RXRG: variants seen among roughly 807,000 people sequenced by gnomAD.
The protein encoded by RXRG is retinoic acid receptor RXR-gamma.
In RXRG, 19 loss-of-function variants were observed where a neutral mutation model predicts 49.2. The observed-to-expected ratio is 0.39, with a 90% CI of 0.27 to 0.57. The LOEUF is 0.57. Ranked by LOEUF, RXRG falls within the 20% of genes least tolerant of loss-of-function variation. The pLI is 0.64. For synonymous variants in RXRG, 224 were observed against 216.6 expected (o/e 1.03, Z -0.30); for missense variants, 452 against 592.5 (o/e 0.76, Z 2.46).
In RXRG at chr1:165,419,914, G is replaced by C. The variant is rs755325790; in HGVS notation, c.398C>G (p.Ser133Cys). 6.8e-6 allele frequency: 11 copies of C among 1,613,424 alleles called. No individual in the cohort carries two copies. In the South Asian group the frequency reaches 9.9e-5, roughly 15 times the overall value. The change falls in exon 3 of 10, where the codon TCT becomes TGT. Residue 133 changes from serine to cysteine, a missense_variant. Transcript: ENST00000359842. ...NMNYPSTSPG[S>C]LVKHICAICG... is the part of the protein sequence containing the mutation. The stretch of plus-strand genomic sequence containing the variant: ...GATGGCACAGATGTGTTTAACCAGA[G>C]ATCCGGGGCTGGTGGATGGGTAGTT...
intron 2 of RXRG, among the ~76,000 whole-genome samples, chr1:165,426,311 A>G (rs1658484698): frequency 1.3e-5 from 2 of 152,196 alleles, no homozygotes; most frequent in Non-Finnish European, 2.9e-5. Flanking sequence ...GGCCTGAGGA[A>G]TGCTTTAAAA....
At chr1:165,437,098 T>C in intron 1 of RXRG, 2 of 1,360,778 alleles carry the variant, frequency 1.5e-6, no homozygotes, top group South Asian at 1.2e-5. Flanking sequence ...TGGTCACTAG[T>C]GTCATGGGGA....
intron 2 of RXRG, among the ~76,000 whole-genome samples, chr1:165,424,515 C>A (rs1658420408): frequency 6.6e-6 from 1 of 152,160 alleles, no homozygotes; most frequent in Non-Finnish European, 1.5e-5. Context: ...TGTAACCCCA[C>A]GATAAAGAAA....
chr1:165,426,513 G>A (rs1308702460), intron 2 of RXRG, among the ~76,000 whole-genome samples: 1 of 152,156 alleles, frequency 6.6e-6, no homozygotes, highest in Non-Finnish European at 1.5e-5. Context: ...CATTTTTGAA[G>A]TCCTTACTGG....
intron 4 of RXRG, among the ~76,000 whole-genome samples, chr1:165,414,330 T>G (rs1227708227): frequency 1.3e-5 from 2 of 152,220 alleles, no homozygotes; most frequent in Non-Finnish European, 1.5e-5. Flanking sequence ...ACCATAGAAG[T>G]GTCTCTTACA....
chr1:165,429,197 C>T (rs1658594268), intron 1 of RXRG, among the ~76,000 whole-genome samples: 1 of 152,174 alleles, frequency 6.6e-6, no homozygotes, highest in African/African-American at 2.4e-5. Flanking sequence ...CATGGATGTT[C>T]TCTGGGGCCC....
chr1:165,436,439 A>G (rs761630494), intron 1 of RXRG, among the ~76,000 whole-genome samples: 8 of 152,206 alleles, frequency 5.3e-5, no homozygotes, highest in Non-Finnish European at 1.0e-4. Context: ...ACACATAATA[A>G]AAGTTAGCTC....
intron 8 of RXRG, among the ~76,000 whole-genome samples, chr1:165,407,465 A>G (rs924834450): frequency 6.6e-5 from 10 of 152,230 alleles, no homozygotes; most frequent in Non-Finnish European, 1.3e-4. Context: ...TTCTGTCCCT[A>G]TCTCACTGCC....
chr1:165,404,673 C>A (rs1159184184), intron 9 of RXRG, among the ~76,000 whole-genome samples: 1 of 152,100 alleles, frequency 6.6e-6, no homozygotes, highest in Non-Finnish European at 1.5e-5. Flanking sequence ...CGAGGATACA[C>A]ACGAGACATA....
In RXRG at chr1:165,410,707, C is replaced by T. The variant is rs746856217; in HGVS notation, c.908G>A (p.Arg303Gln). 7 of 1,613,710 alleles carry T rather than the reference C, an allele frequency of 4.3e-6. No individual in the cohort carries two copies. Among genetic ancestry groups the T allele is most frequent in the African/African-American group, 1.3e-5 (1 of 74,894 alleles). ...AGGCAGCCAATGTGCTTTACCTGCC[C>T]GAAGCAAAATGACCTGGTCCTCCAA... Reference protein sequence around the residue: ...LTLEDQVILLRAGWNELLIAS... With the variant: ...LTLEDQVILLQAGWNELLIAS... Residue 303 changes from arginine (R) to glutamine (Q), a missense_variant, in exon 6 of 10, where the codon CGG becomes CAG. Arg to Gln is a conservative substitution (Grantham distance 43, BLOSUM62 1). This residue lies in a region of RXRG where 286 missense variants were observed against 440.9 expected (regional missense o/e 0.65). Transcript: ENST00000359842.
At position 165,409,786 on chromosome 1, in the gene RXRG, A is replaced by T. The variant is rs556234627; in HGVS notation, c.914-96T>A. 6.9e-5 allele frequency: 79 copies of T among 1,141,974 alleles called. No individual in the cohort carries two copies. The African/African-American group carries it at 1.1e-3, about 16-fold the overall frequency. 70.7% of individuals were successfully genotyped at this position (1,141,974 alleles called of 1,614,324 possible). A position where few individuals can be genotyped will look rare whatever the true frequency, so the allele number is the denominator to read the frequency against. ...CATGTACTATTATCCCACATAACAC[A>T]AGCAGAATTGACAATCTAGGGAGGT... On this transcript the variant is annotated intron_variant, in intron 6 of 9. Transcript: ENST00000359842.
intron 1 of RXRG, among the ~76,000 whole-genome samples, chr1:165,444,612 C>G (rs1266278556): frequency 1.3e-5 from 2 of 152,184 alleles, no homozygotes; most frequent in Non-Finnish European, 2.9e-5. Context: ...AGAATATCCC[C>G]GTATCCTCAT....
intron 7 of RXRG, among the ~76,000 whole-genome samples, chr1:165,409,306 G>A (rs150622094): frequency 6.6e-6 from 1 of 152,230 alleles, no homozygotes; most frequent in Admixed American, 6.5e-5. Context: ...CCTCTGAGTG[G>A]CTCCATCTTA....
At chr1:165,409,804 A>G (rs1439153656) in intron 6 of RXRG, 114 bp from the exon 7 acceptor site, 10 of 1,012,896 alleles carry the variant, frequency 9.9e-6, no homozygotes, top group Admixed American at 4.2e-5. Flanking sequence ...TTGACAATCT[A>G]GGGAGGTTAA....
intron 1 of RXRG, among the ~76,000 whole-genome samples, chr1:165,440,955 T>C (rs1439680817): frequency 2.0e-5 from 3 of 152,264 alleles, no homozygotes. Flanking sequence ...CTAAATCTCA[T>C]AAACAGTTAC....
intron 1 of RXRG, among the ~76,000 whole-genome samples, chr1:165,434,200 C>A (rs1161865074): frequency 2.0e-5 from 3 of 151,804 alleles, no homozygotes; most frequent in African/African-American, 2.4e-5. Context: ...AGTTTATCAA[C>A]AGAAATTATT....
At chr1:165,432,577 CTT>C (rs918902235) in intron 1 of RXRG, among the ~76,000 whole-genome samples, 3 of 152,124 alleles carry the variant, frequency 2.0e-5, no homozygotes, top group African/African-American at 7.2e-5. Context: ...TCTCTCACTC[CTT>C]TTTTTTGTTT....
rs770244326 is a variant in RXRG, at chr1:165,406,968, C to T, written c.1139-51G>A. ...TTGATTACACACCCTCCAGCAGAGG[C>T]TGTCCCCATTCTCTCTGGCCACTCT... is the stretch of plus-strand genomic sequence containing the variant. On this transcript the variant is annotated intron_variant, in intron 8 of 9. Coordinates refer to ENST00000359842, the MANE Select transcript of RXRG (RefSeq NM_006917.5). 2.3e-6 allele frequency: 3 copies of T among 1,325,122 alleles called. No individual in the cohort carries two copies. The East Asian group carries it at 6.9e-5, about 31-fold the overall frequency. 82.1% of individuals were successfully genotyped at this position (1,325,122 alleles called of 1,614,324 possible). A position where few individuals can be genotyped will look rare whatever the true frequency, so the allele number is the denominator to read the frequency against.
chr1:165,411,026 C>A lies in RXRG; in HGVS notation c.706G>T (p.Val236Leu), dbSNP rs1050675419. Residue 236 changes from valine to leucine, a missense_variant, in exon 5 of 10, where the codon GTG becomes TTG. Coordinates refer to ENST00000359842, the MANE Select transcript of RXRG (RefSeq NM_006917.5). ...AGTTCAGCTTCTAGAATCCTCTCCA[C>A]AGGCATGTCTTCATGACCACTGGTA... ...CATSGHEDMPVERILEAELAV... is the reference protein window; with the variant it reads ...CATSGHEDMPLERILEAELAV... The A allele has an allele frequency of 2.5e-6, 4 of 1,614,174 alleles. No individual in the cohort carries two copies. Among genetic ancestry groups the A allele is most frequent in the Non-Finnish European group, 3.4e-6 (4 of 1,179,994 alleles).
Sources: gnomAD v4.1 joint callset for allele counts (sites outside exome capture counted in the v4.1 genomes callset) on GRCh38, gnomAD v4.1.1 for gene constraint, gnomAD v4.1.1 regional missense constraint, MANE v1.5 for transcripts, NCBI Gene and HGNC (gene_info 2026-07-23, HGNC 2026-07-21) for gene names.